Variants in NUDT1 observed in about 807,000 individuals in gnomAD.
NUDT1 encodes oxidized purine nucleoside triphosphate hydrolase.
Under a neutral mutation model 11.3 loss-of-function variants are expected in NUDT1, and 16 were observed. The observed-to-expected ratio is 1.41, with a 90% CI of 0.96 to 2.15. The LOEUF (loss-of-function observed/expected upper bound fraction) is 2.15. NUDT1 is among the 30% of genes most tolerant of loss of function. The pLI, the probability that NUDT1 is intolerant of heterozygous loss-of-function variation, is 0.00. For synonymous variants in NUDT1, 101 were observed against 84.4 expected (o/e 1.20, Z -1.08); for missense variants, 234 against 208.4 (o/e 1.12, Z -0.76).
chr7:2,243,253 G>C (rs1157424664), intron 1 of NUDT1, among the ~76,000 whole-genome samples: 3 of 152,146 alleles, frequency 2.0e-5, no homozygotes, highest in African/African-American at 7.2e-5. Flanking sequence ...GGACGTGGCG[G>C]GCTCGGGAAA....
intron 2 of NUDT1, among the ~76,000 whole-genome samples, chr7:2,246,852 C>T (rs12673108): frequency 2.0e-5 from 3 of 151,862 alleles, no homozygotes; most frequent in Admixed American, 6.6e-5. Flanking sequence ...CCTGACCTCA[C>T]GGGATCCACC....
intron 1 of NUDT1, among the ~76,000 whole-genome samples, chr7:2,243,906 A>G (rs1584634977): frequency 6.6e-6 from 1 of 150,968 alleles, no homozygotes; most frequent in African/African-American, 2.4e-5. Flanking sequence ...AGCAGGAAGG[A>G]CCCTTGTGAC....
chr7:2,250,750 G>T, intron 3 of NUDT1, 79 bp from the exon 4 acceptor site: 3 of 1,541,832 alleles, frequency 1.9e-6, no homozygotes, highest in South Asian at 1.1e-5. Context: ...GAGCCACCGC[G>T]CCCGGCCAAA....
chr7:2,250,117 C>A, intron 3 of NUDT1, 115 bp downstream of exon 3: 1 of 1,336,506 alleles, frequency 7.5e-7, no homozygotes, highest in Non-Finnish European at 1.0e-6. Flanking sequence ...CAGCCTGCGT[C>A]CCCCTCCACC....
chr7:2,244,684 G>T lies in NUDT1; in HGVS notation c.110G>T (p.Gly37Val). 1 of 1,612,874 alleles carries T rather than the reference G, an allele frequency of 6.2e-7. No homozygotes were observed. The highest frequency in any genetic ancestry group is 8.5e-7 in the Non-Finnish European group (1 of 1,179,594). The change falls in exon 2 of 4, where the codon GGC becomes GTC. Residue 37 changes from glycine (G) to valine (V), a missense_variant. By Grantham distance (109) the Gly-to-Val change is moderately radical (BLOSUM62 -3). Transcript: ENST00000356714. ...FGAGRWNGFG[G>V]KVQEGETIED... ...GCCGGCCGGTGGAATGGCTTTGGGG[G>T]CAAAGTGCAAGAAGGAGAGACCATC...
rs746829410 is a variant in NUDT1, at chr7:2,249,946, T to C, written c.242T>C (p.Met81Thr). 4 of 1,614,204 alleles carry C rather than the reference T, an allele frequency of 2.5e-6. No individual in the cohort carries two copies. Among genetic ancestry groups the C allele is most frequent in the Non-Finnish European group, 3.4e-6 (4 of 1,180,032 alleles). The change falls in exon 3 of 4, where the codon ATG (methionine) becomes ACG (threonine). Residue 81 changes from methionine to threonine, a missense_variant. Physicochemically the swap from Met to Thr is moderately conservative, Grantham distance 81 (BLOSUM62 -1). Transcript: ENST00000356714. ...VFEFVGEPEL[M>T]DVHVFCTDSI... The stretch of plus-strand genomic sequence containing the variant: ...GAGTTCGTGGGCGAGCCTGAGCTCA[T>C]GGACGTGCATGTCTTCTGCACAGAC...
intron 2 of NUDT1, 126 bp downstream of exon 2, chr7:2,244,852 G>C: frequency 9.0e-7 from 1 of 1,109,444 alleles, no homozygotes. Flanking sequence ...TTAAGCGTGA[G>C]CCTCAGTGTC....
intron 1 of NUDT1, among the ~76,000 whole-genome samples, chr7:2,243,378 GC>G: frequency 6.6e-6 from 1 of 152,276 alleles, no homozygotes; most frequent in Middle Eastern, 3.4e-3. Context: ...GCACTTCCCT[GC>G]CCCCTTCCTT....
At chr7:2,245,683 C>T (rs1182440363) in intron 2 of NUDT1, among the ~76,000 whole-genome samples, 2 of 152,186 alleles carry the variant, frequency 1.3e-5, no homozygotes, top group African/African-American at 2.4e-5. Flanking sequence ...CTCAGCCTCA[C>T]GAACAGCTGG....
Position 2,251,078 on chromosome 7 carries a change from A to T in NUDT1, c.*77A>T. ...AAACCATCTTCACCTGGGGGCATTG[A>T]GTGGCGCAGAGCCGGGTTTCATCTG... On this transcript the variant is annotated 3_prime_UTR_variant, in exon 4 of 4. Coordinates refer to ENST00000356714, the MANE Select transcript of NUDT1 (RefSeq NM_002452.4). 8.4e-6 allele frequency: 12 copies of T among 1,421,676 alleles called. No homozygotes were observed. The highest frequency in any genetic ancestry group is 2.3e-5 in the South Asian group (2 of 86,920). The allele number at this position is 1,421,676 out of a possible 1,614,324, so 88.1% of individuals were successfully genotyped here.
In NUDT1 at chr7:2,250,140, C is replaced by A; in HGVS notation, c.298+138C>A. 5 of 1,128,128 alleles carry A rather than the reference C, an allele frequency of 4.4e-6. No homozygotes were observed. In the South Asian group the frequency reaches 7.3e-5, roughly 16 times the overall value. The allele number at this position is 1,128,128 out of a possible 1,614,324, so 69.9% of individuals were successfully genotyped here. On this transcript the variant is annotated intron_variant, in intron 3 of 3. Transcript: ENST00000356714. ...GTCCCCCTCCACCCCACAGTGCCAG[C>A]GTGGGGCCCATGAGCCGTGGTCTCT...
intron 1 of NUDT1, 73 bp downstream of exon 1, chr7:2,242,329 G>T: frequency 1.6e-6 from 1 of 641,488 alleles, no homozygotes; most frequent in South Asian, 2.0e-5. Flanking sequence ...CGGGCGGCAG[G>T]AGACTAGGGG....
intron 2 of NUDT1, among the ~76,000 whole-genome samples, chr7:2,248,630 C>T (rs557313016): frequency 6.0e-5 from 9 of 150,388 alleles, no homozygotes; most frequent in Admixed American, 4.7e-4. Flanking sequence ...CAGCTCACTG[C>T]AGCCTCCAAC....
At chr7:2,249,612 A>G (rs1401740807) in intron 2 of NUDT1, 8 of 558,348 alleles carry the variant, frequency 1.4e-5, no homozygotes, top group Admixed American at 2.9e-5. Context: ...GAGGCTCCAC[A>G]CCATCTCCGG....
intron 1 of NUDT1, among the ~76,000 whole-genome samples, chr7:2,243,869 C>CTGGACCTGGACCTGCACACCTA (rs1188121769): frequency 2.6e-5 from 4 of 151,284 alleles, no homozygotes; most frequent in Non-Finnish European, 5.9e-5. Context: ...TCAGAGTCCT[C>CTGGACCTGGACCTGCACACCTA]TGGACCTGGA....
rs749753616 is a variant in NUDT1, at chr7:2,244,649, A to C, written c.75A>C (p.Arg25=). ...PQRVLLGMKK[R]GFGAGRWNGF... ...GAGTTCTCCTGGGCATGAAAAAGCGAGGCTTCGGGGCCGGCCGGTGGAATG... is the reference window on the plus strand; with the variant it reads ...GAGTTCTCCTGGGCATGAAAAAGCGCGGCTTCGGGGCCGGCCGGTGGAATG... Residue 25 remains arginine, a synonymous_variant, in exon 2 of 4, where the codon CGA becomes CGC. Coordinates refer to ENST00000356714, the MANE Select transcript of NUDT1 (RefSeq NM_002452.4). The C allele has an allele frequency of 1.2e-6, 2 of 1,613,942 alleles. No individual in the cohort carries two copies. Among genetic ancestry groups the C allele is most frequent in the East Asian group, 2.2e-5 (1 of 44,870 alleles).
chr7:2,248,344 C>T (rs1794849898), intron 2 of NUDT1, among the ~76,000 whole-genome samples: 1 of 152,164 alleles, frequency 6.6e-6, no homozygotes, highest in Admixed American at 6.5e-5. Flanking sequence ...CGACTGAGCA[C>T]AGCAAGCAAA....
chr7:2,250,615 GC>G lies in NUDT1; in HGVS notation c.299-211del, dbSNP rs1208575284. 4.7e-5 allele frequency among the ~76,000 whole-genome samples: 7 copies of G among 147,936 alleles called. No individual in the cohort carries two copies. The East Asian group carries it at 9.8e-4, about 21-fold the overall frequency. On this transcript the variant is annotated intron_variant, in intron 3 of 3. Transcript: ENST00000356714. ...TGGGACTACAGGCGCCCGCCACCAC[GC>G]CCGGCTAATTTTTTTGTATTTTTAG...
At chr7:2,248,039 G>A (rs1435023648) in intron 2 of NUDT1, 3 of 152,226 alleles carry the variant, frequency 2.0e-5, no homozygotes, top group South Asian at 2.1e-4. Context: ...TGCAGTTTAA[G>A]CTGAGGAGGC....
Sources: gnomAD v4.1 joint callset for allele counts (sites outside exome capture counted in the v4.1 genomes callset) on GRCh38, gnomAD v4.1.1 for gene constraint, MANE v1.5 for transcripts, NCBI Gene and HGNC (gene_info 2026-07-23, HGNC 2026-07-21) for gene names.